Variants in ODF2 observed in about 807,000 individuals in gnomAD.
ODF2 encodes outer dense fiber protein 2.
ODF2 carries 47 observed loss-of-function variants against 110.2 expected under a neutral mutation model. The observed-to-expected ratio is 0.43, with a 90% confidence interval of 0.34 to 0.54. The LOEUF is 0.54. Ranked by LOEUF, ODF2 falls within the 20% of genes least tolerant of loss-of-function variation. The pLI is 0.03. For synonymous variants in ODF2, 352 were observed against 397.7 expected (o/e 0.89, Z 1.37); for missense variants, 812 against 1,054.5 (o/e 0.77, Z 3.19).
chr9:128,484,215 G>A (rs1842951205), intron 11 of ODF2, among the ~76,000 whole-genome samples, 161 bp downstream of exon 11: 2 of 152,212 alleles, frequency 1.3e-5, no homozygotes, highest in African/African-American at 4.8e-5. Flanking sequence ...CAGGACAGTG[G>A]CAAGAGCAAT....
At chr9:128,499,047 A>G (rs149724278) in exon 20 of ODF2, 2 of 1,614,220 alleles carry the variant, frequency 1.2e-6, no homozygotes, top group African/African-American at 1.3e-5. Flanking sequence ...CGAGCAGCCC[A>G]GAACAAAATC....
At chr9:128,498,733 A>T (rs920496816) in intron 19 of ODF2, among the ~76,000 whole-genome samples, 158 bp downstream of exon 19, 1 of 152,188 alleles carries the variant, frequency 6.6e-6, no homozygotes, top group Non-Finnish European at 1.5e-5. Flanking sequence ...TCAGCACTTG[A>T]TATCTGATGA....
intron 5 of ODF2, among the ~76,000 whole-genome samples, chr9:128,470,018 A>AAAAATATATATATAT (rs1554829083): frequency 5.9e-5 from 1 of 16,982 alleles, no homozygotes. Flanking sequence ...AAAAAAAAAA[A>AAAAATATATATATAT]ATATATATAT....
chr9:128,475,886 C>T (rs1448821809), intron 8 of ODF2, among the ~76,000 whole-genome samples: 6 of 151,864 alleles, frequency 4.0e-5, no homozygotes, highest in South Asian at 2.1e-4. Context: ...CCTTGTGATC[C>T]GCTCACCTCA....
Position 128,498,994 on chromosome 9 carries a change from T to C in ODF2, c.2176-7T>C, listed in dbSNP as rs760845079. On this transcript the variant is annotated splice_polypyrimidine_tract_variant and splice_region_variant and intron_variant, in intron 19 of 20. Transcript: ENST00000604420. ...CCAGTCTCATGTCTGGGCCTTTGAA[T>C]GTGCAGGTGGAACAAACCAAGGAGC... 4.3e-6 allele frequency: 7 copies of C among 1,613,194 alleles called. No individual in the cohort carries two copies. The South Asian group carries it at 7.7e-5, about 18-fold the overall frequency.
At chr9:128,478,364 G>A (rs563592143) in intron 8 of ODF2, among the ~76,000 whole-genome samples, 1 of 152,114 alleles carries the variant, frequency 6.6e-6, no homozygotes, top group East Asian at 1.9e-4. Context: ...TTGGGAGGCC[G>A]AGGTGGGCAG....
chr9:128,483,966 C>T (rs139563649), exon 11 of ODF2: 8 of 1,613,904 alleles, frequency 5.0e-6, no homozygotes, highest in Non-Finnish European at 6.8e-6. Flanking sequence ...TCTGAGCTTT[C>T]TAAATCCATG....
At chr9:128,464,532 T>A (rs1394080600) in intron 4 of ODF2, among the ~76,000 whole-genome samples, 1 of 151,618 alleles carries the variant, frequency 6.6e-6, no homozygotes, top group Non-Finnish European at 1.5e-5. Flanking sequence ...CGGAGTCTTG[T>A]TCTGTTGCCC....
exon 21 of ODF2, chr9:128,500,097 G>A (rs956693298): frequency 6.2e-6 from 10 of 1,614,140 alleles, no homozygotes; most frequent in African/African-American, 4.0e-5. Context: ...CCGGCTGCAA[G>A]ACCTGAAAGA....
At chr9:128,484,967 T>G in intron 12 of ODF2, 81 bp downstream of exon 12, 1 of 1,381,206 alleles carries the variant, frequency 7.2e-7, no homozygotes, top group Non-Finnish European at 1.0e-6. Context: ...GCCAGATGGG[T>G]AGCGGGGAGG....
At chr9:128,456,535 C>T (rs1834828175) in intron 1 of ODF2, 5 of 1,528,158 alleles carry the variant, frequency 3.3e-6, no homozygotes, top group Non-Finnish European at 4.4e-6. Context: ...AGGGCTTCAC[C>T]TTTCTCTCTA....
intron 11 of ODF2, among the ~76,000 whole-genome samples, chr9:128,484,281 C>T (rs546883934): frequency 9.8e-4 from 149 of 152,304 alleles, no homozygotes; most frequent in Non-Finnish European, 1.7e-3. Context: ...GGGTTGCGTG[C>T]CATGCCCCCC....
intron 11 of ODF2, 120 bp from the exon 12 acceptor site, chr9:128,484,581 C>G: frequency 9.1e-6 from 10 of 1,100,778 alleles, no homozygotes; most frequent in Non-Finnish European, 1.3e-5. Flanking sequence ...TTTTTTCTGT[C>G]TTCCTCGTTT....
chr9:128,476,038 G>T (rs1041742976), intron 8 of ODF2, among the ~76,000 whole-genome samples: 1 of 151,802 alleles, frequency 6.6e-6, no homozygotes, highest in Non-Finnish European at 1.5e-5. Flanking sequence ...CTAGTTTTGT[G>T]CATGTTGTGA....
chr9:128,473,804 C>T, intron 8 of ODF2, 63 bp downstream of exon 8: 1 of 1,482,998 alleles, frequency 6.7e-7, no homozygotes. Context: ...GAGCCTTTCT[C>T]CTTGTCTGTA....
At chr9:128,469,584 T>A (rs1272157565) in intron 5 of ODF2, 3 of 538,758 alleles carry the variant, frequency 5.6e-6, no homozygotes, top group Non-Finnish European at 9.9e-6. Flanking sequence ...GTGCTCCACA[T>A]GGGTGGTCCA....
In ODF2 at chr9:128,480,909, CCAGAGA is replaced by C. The variant is rs151211309; in HGVS notation, c.844-668_844-663del. On this transcript the variant is annotated intron_variant, in intron 8 of 20. Transcript: ENST00000604420. ...ACACATGAATCCCTTTCCCCTTCCC[CCAGAGA>C]CAAACAGTATTTCTCTTGATGCAGC... 4.6e-3 allele frequency among the ~76,000 whole-genome samples: 698 copies of C among 152,240 alleles called. 5 individuals are homozygous for C. Among genetic ancestry groups the C allele is most frequent in the South Asian group, 0.021 (103 of 4,822 alleles).
In ODF2 at chr9:128,469,565, G is replaced by C. The variant is rs1839189273; in HGVS notation, c.420+212G>C. On this transcript the variant is annotated intron_variant, in intron 5 of 20. Coordinates refer to ENST00000604420, the Ensembl canonical transcript of ODF2. ...AAGGGCCCTCTCTATTGAGCATGTAGCTGTCCTGGTGCTCCACATGGGTGG... is the reference window on the plus strand; with the variant it reads ...AAGGGCCCTCTCTATTGAGCATGTACCTGTCCTGGTGCTCCACATGGGTGG... 1.9e-5 allele frequency: 11 copies of C among 576,194 alleles called. No individual in the cohort carries two copies. In the South Asian group the frequency reaches 2.3e-4, roughly 12 times the overall value. The allele number at this position is 576,194 out of a possible 1,614,324, so 35.7% of individuals were successfully genotyped here.
intron 14 of ODF2, among the ~76,000 whole-genome samples, chr9:128,492,023 G>A (rs1236031099): frequency 1.3e-5 from 2 of 151,770 alleles, no homozygotes; most frequent in Non-Finnish European, 2.9e-5. Context: ...CCGCCACCAC[G>A]CCCGGCTAAT....
Sources: gnomAD v4.1 joint callset for allele counts (sites outside exome capture counted in the v4.1 genomes callset) on GRCh38, gnomAD v4.1.1 for gene constraint, MANE v1.5 for transcripts, NCBI Gene and HGNC (gene_info 2026-07-23, HGNC 2026-07-21) for gene names.